The following ZSCAN25 variants were observed in gnomAD, a reference collection of about 807,000 sequenced individuals.
ZSCAN25 encodes zinc finger and SCAN domain-containing protein 25.
Under a neutral mutation model 38.7 loss-of-function variants are expected in ZSCAN25, and 27 were observed. The observed-to-expected ratio is 0.70, with a 90% CI of 0.51 to 0.96. The LOEUF (loss-of-function observed/expected upper bound fraction) is 0.96. Ranked by LOEUF, ZSCAN25 falls within the 40% of genes least tolerant of loss-of-function variation. ZSCAN25 has a pLI of 0.00. For synonymous variants in ZSCAN25, 273 were observed against 277.7 expected (o/e 0.98, Z 0.17); for missense variants, 637 against 705.9 (o/e 0.90, Z 1.11).
the ZSCAN25 span, chr7:99,664,053 A>G: frequency 1.4e-5 from 23 of 1,598,166 alleles, no homozygotes; most frequent in East Asian, 1.6e-4. Context: ...AAACAGAGAG[A>G]CATTTAATGC....
chr7:99,640,054 A>G, the ZSCAN25 span, among the ~76,000 whole-genome samples: 1 of 152,232 alleles, frequency 6.6e-6, no homozygotes, highest in Non-Finnish European at 1.5e-5. Context: ...GTGACAGAGC[A>G]AGACACTGTC....
the ZSCAN25 span, chr7:99,638,480 G>C: frequency 5.9e-6 from 9 of 1,516,906 alleles, no homozygotes; most frequent in Admixed American, 1.7e-5. Context: ...AAGCCTCATC[G>C]GTGCGGTGGC....
At chr7:99,667,209 A>G in the ZSCAN25 span, 13 of 401,892 alleles carry the variant, frequency 3.2e-5, no homozygotes, top group Middle Eastern at 4.4e-4. Flanking sequence ...AAGATGCTCA[A>G]TGGAGATCCT....
the ZSCAN25 span, chr7:99,735,058 C>T: frequency 1.9e-6 from 3 of 1,614,094 alleles, no homozygotes; most frequent in Non-Finnish European, 2.5e-6. Context: ...CCAGGAGAAG[C>T]CAGGTTTCCA....
intron 6 of ZSCAN25, among the ~76,000 whole-genome samples, chr7:99,622,932 A>G (rs1807114816): frequency 6.6e-6 from 1 of 152,040 alleles, no homozygotes; most frequent in Non-Finnish European, 1.5e-5. Flanking sequence ...TCAGCCTCCC[A>G]AGCAGCTGGG....
At chr7:99,672,874 T>A in the ZSCAN25 span, 1 of 1,395,974 alleles carries the variant, frequency 7.2e-7, no homozygotes. Flanking sequence ...ACCCAAGGCT[T>A]CATATGATGA....
chr7:99,721,217 G>T, the ZSCAN25 span, among the ~76,000 whole-genome samples: 1 of 152,146 alleles, frequency 6.6e-6, no homozygotes, highest in Admixed American at 6.5e-5. Context: ...TATAGACAAA[G>T]ATGTATTTAT....
the ZSCAN25 span, chr7:99,677,180 A>G: frequency 4.1e-6 from 4 of 985,256 alleles, no homozygotes; most frequent in South Asian, 9.4e-5. Context: ...AACTCCTCCA[A>G]CTGATGGTTC....
At chr7:99,674,600 A>G in the ZSCAN25 span, 1 of 1,608,384 alleles carries the variant, frequency 6.2e-7, no homozygotes, top group Non-Finnish European at 8.5e-7. Context: ...GAGAGGAAAC[A>G]AAATACAAGT....
the ZSCAN25 span, chr7:99,715,966 G>A: frequency 2.5e-6 from 4 of 1,611,552 alleles, no homozygotes; most frequent in Middle Eastern, 2.1e-4. Flanking sequence ...CTTCCTCTAT[G>A]CGTGCAGCAG....
the ZSCAN25 span, among the ~76,000 whole-genome samples, chr7:99,698,213 A>G: frequency 2.0e-5 from 3 of 152,304 alleles, no homozygotes; most frequent in Admixed American, 6.5e-5. Context: ...CTGCACCAGC[A>G]TTGTCTAAGG....
the ZSCAN25 span, among the ~76,000 whole-genome samples, chr7:99,729,052 T>C: frequency 6.6e-6 from 1 of 152,170 alleles, no homozygotes; most frequent in Admixed American, 6.5e-5. Flanking sequence ...ATAAAAAAGC[T>C]TAAAGATAAA....
At chr7:99,633,029 A>G (rs1320747573), downstream of ZSCAN25, among the ~76,000 whole-genome samples, 3 of 135,972 alleles carry the variant, frequency 2.2e-5, no homozygotes, top group East Asian at 7.2e-4. Context: ...TCTGTTGCCC[A>G]GGCTGGAGTG....
At chr7:99,620,292 G>C (rs1308130780) in intron 4 of ZSCAN25, 8 of 385,178 alleles carry the variant, frequency 2.1e-5, no homozygotes, top group Admixed American at 4.3e-5. Context: ...TTGTTTTTGG[G>C]GTCCCTCATA....
chr7:99,697,979 T>C, the ZSCAN25 span, among the ~76,000 whole-genome samples: 1 of 152,156 alleles, frequency 6.6e-6, no homozygotes. Flanking sequence ...AGCAGCACTG[T>C]CCCCCAAGGA....
chr7:99,661,431 C>G, the ZSCAN25 span, among the ~76,000 whole-genome samples: 1 of 152,192 alleles, frequency 6.6e-6, no homozygotes, highest in East Asian at 1.9e-4. Context: ...ATGTACAAGA[C>G]AGCAGAGATA....
At chr7:99,690,535 G>A in the ZSCAN25 span, among the ~76,000 whole-genome samples, 1 of 152,054 alleles carries the variant, frequency 6.6e-6, no homozygotes, top group Non-Finnish European at 1.5e-5. Context: ...GAAAATTTTT[G>A]CAACCTACTC....
At chr7:99,648,293 C>T in the ZSCAN25 span, 2 of 1,608,434 alleles carry the variant, frequency 1.2e-6, no homozygotes, top group South Asian at 1.1e-5. Context: ...AAGTAGAAAT[C>T]CTTAGAATAA....
At chr7:99,635,993 G>A (rs1808265479), downstream of ZSCAN25, among the ~76,000 whole-genome samples, 1 of 148,448 alleles carries the variant, frequency 6.7e-6, no homozygotes, top group Non-Finnish European at 1.5e-5. Flanking sequence ...CTTGCAGTGA[G>A]TGGAGATCGC....
Sources: allele counts gnomAD v4.1 joint callset (sites outside exome capture counted in the v4.1 genomes callset), GRCh38; gene constraint gnomAD v4.1.1; transcripts MANE v1.5; gene names NCBI Gene and HGNC (gene_info 2026-07-23, HGNC 2026-07-21).